The following ARHGEF17 variants were observed in gnomAD, a reference collection of about 807,000 sequenced individuals.
ARHGEF17 encodes 164 kDa Rho-specific guanine-nucleotide exchange factor.
ARHGEF17 carries 80 observed loss-of-function variants against 174.0 expected under a neutral mutation model. That is an observed-to-expected ratio of 0.46 (90% CI 0.38 to 0.55). The LOEUF (loss-of-function observed/expected upper bound fraction) is 0.55. Ranked by LOEUF, ARHGEF17 falls within the 20% of genes least tolerant of loss-of-function variation. The pLI is 0.00. For synonymous variants in ARHGEF17, 1,311 were observed against 1,189.1 expected (o/e 1.10, Z -2.11); for missense variants, 2,886 against 2,839.7 (o/e 1.02, Z -0.37).
In ARHGEF17 at chr11:73,309,520, G is replaced by C. The variant is rs112713208; in HGVS notation, c.882G>C (p.Gly294=). The C allele has an allele frequency of 6.4e-7, 1 of 1,568,238 alleles. No homozygotes were observed. Among genetic ancestry groups the C allele is most frequent in the Non-Finnish European group, 8.7e-7 (1 of 1,153,250 alleles). The part of the protein sequence containing the change: ...EGGHRWGGRP[G]LRPGSSLLDQ... ...GCCACCGCTGGGGAGGGAGGCCCGG[G>C]CTCAGGCCTGGAAGCTCCCTATTGG... The change falls in exon 1 of 21, where the codon GGG becomes GGC. Residue 294 remains glycine, a synonymous_variant. Transcript: ENST00000263674.
Position 73,359,895 on chromosome 11 carries a change from C to G in ARHGEF17, c.4149C>G (p.Asp1383Glu). Reference sequence around the variant, plus strand: ...AGGCCATCAGCCGCCTTGATGAGGACCTCACCACCCTGGGCCAAATGAGCA... The same window carrying G: ...AGGCCATCAGCCGCCTTGATGAGGAGCTCACCACCCTGGGCCAAATGAGCA... The part of the protein sequence containing the change: ...IQKAISRLDE[D>E]LTTLGQMSKL... The change falls in exon 10 of 21, where the codon GAC becomes GAG. Residue 1383 changes from aspartate to glutamate, a missense_variant. Transcript: ENST00000263674. 6.2e-7 allele frequency: 1 copy of G among 1,613,628 alleles called. No homozygotes were observed. Among genetic ancestry groups the G allele is most frequent in the Non-Finnish European group, 8.5e-7 (1 of 1,179,784 alleles).
chr11:73,366,091 G>A (rs748771749), intron 20 of ARHGEF17, 144 bp downstream of exon 20: 142 of 1,111,014 alleles, frequency 1.3e-4, no homozygotes, highest in Middle Eastern at 3.1e-4. Flanking sequence ...AATACACCAC[G>A]GAAGTGTCCA....
In ARHGEF17 at chr11:73,360,505, G is replaced by A. The variant is rs1865720143; in HGVS notation, c.4392G>A (p.Gln1464=). ...CTGACGCCCGCCTTGGTTTTGAACA[G>A]GCCTTCGATGAGGCCAAGAGGAAGC... ...PHPDARLGFE[Q]AFDEAKRKLA... Residue 1464 remains glutamine, a synonymous_variant, in exon 11 of 21, where the codon CAG becomes CAA. Coordinates refer to ENST00000263674, the MANE Select transcript of ARHGEF17 (RefSeq NM_014786.4). 1 of 1,613,820 alleles carries A rather than the reference G, an allele frequency of 6.2e-7. No homozygotes were observed. Among genetic ancestry groups the A allele is most frequent in the Admixed American group, 1.7e-5 (1 of 60,012 alleles).
At chr11:73,360,904 CA>C in intron 11 of ARHGEF17, among the ~76,000 whole-genome samples, 183 bp from the exon 12 acceptor site, 1 of 152,134 alleles carries the variant, frequency 6.6e-6, no homozygotes, top group Non-Finnish European at 1.5e-5. Context: ...AACCCCAAGA[CA>C]ATACACATGG....
At position 73,308,928 on chromosome 11, in the gene ARHGEF17, G is replaced by A. The variant is rs1363483645; in HGVS notation, c.290G>A (p.Gly97Asp). The change falls in exon 1 of 21, where the codon GGC becomes GAC. Residue 97 changes from glycine (G) to aspartate (D), a missense_variant. Gly to Asp is a moderately conservative substitution (Grantham distance 94). Around this residue, in one of 4 missense-constraint regions of ARHGEF17, gnomAD observed 1,728 missense variants for 1,461.2 expected, o/e 1.18. Coordinates refer to ENST00000263674, the MANE Select transcript of ARHGEF17 (RefSeq NM_014786.4). ...TTCGACGCGCCGCGTCTGGACGACG[G>A]CTCCGCTGGGACCCGAGACGGAGGC... The part of the protein sequence containing the change: ...RRFDAPRLDD[G>D]SAGTRDGGVL... 4 of 1,364,206 alleles carry A rather than the reference G, an allele frequency of 2.9e-6. No homozygotes were observed. The South Asian group carries it at 5.2e-5, about 18-fold the overall frequency. The allele number at this position is 1,364,206 out of a possible 1,614,324, so 84.5% of individuals were successfully genotyped here.
chr11:73,355,672 G>T lies in ARHGEF17; in HGVS notation c.3570+23G>T, dbSNP rs756658419. The T allele has an allele frequency of 5.6e-6, 9 of 1,605,502 alleles. No homozygotes were observed. In the South Asian group the frequency reaches 6.6e-5, roughly 12 times the overall value. ...GAGGTACTGTGGGCTAGGGCAGGGG[G>T]ATGGAGGTGACCCTCACCTTGGGCC... On this transcript the variant is annotated intron_variant, in intron 4 of 20. Coordinates refer to ENST00000263674, the MANE Select transcript of ARHGEF17 (RefSeq NM_014786.4).
At chr11:73,362,386 C>G (rs768100316) in intron 13 of ARHGEF17, 47 bp from the exon 14 acceptor site, 5 of 1,480,948 alleles carry the variant, frequency 3.4e-6, no homozygotes, top group South Asian at 1.4e-5. Context: ...CCACCGGGGC[C>G]CCGTCTGGCT....
At chr11:73,361,933 C>T (rs920468685) in intron 12 of ARHGEF17, 107 bp from the exon 13 acceptor site, 2 of 1,297,126 alleles carry the variant, frequency 1.5e-6, no homozygotes, top group South Asian at 1.4e-5. Context: ...CACACACACA[C>T]CCATGCAGGC....
chr11:73,354,559 C>T (rs1228911699), intron 3 of ARHGEF17, among the ~76,000 whole-genome samples: 1 of 152,092 alleles, frequency 6.6e-6, no homozygotes, highest in Admixed American at 6.5e-5. Context: ...ACTAAAAATA[C>T]AAAAATTAGG....
Position 73,363,270 on chromosome 11 carries a change from G to A in ARHGEF17, c.5061G>A (p.Glu1687=). The change falls in exon 15 of 21, where the codon GAG becomes GAA. Residue 1687 remains glutamate, a synonymous_variant. Coordinates refer to ENST00000263674, the MANE Select transcript of ARHGEF17 (RefSeq NM_014786.4). ...AETTSSEEEQ[E]PGFLPLSGSF... ...CCACCAGCTCAGAGGAGGAGCAGGAGCCAGGCTTCCTGCCACTGTCTGGCT... is the reference window on the plus strand; with the variant it reads ...CCACCAGCTCAGAGGAGGAGCAGGAACCAGGCTTCCTGCCACTGTCTGGCT... 1 of 1,610,376 alleles carries A rather than the reference G, an allele frequency of 6.2e-7. No homozygotes were observed. Among genetic ancestry groups the A allele is most frequent in the Non-Finnish European group, 8.5e-7 (1 of 1,178,054 alleles).
At chr11:73,360,067 C>A in intron 10 of ARHGEF17, 115 bp downstream of exon 10, 1 of 1,146,892 alleles carries the variant, frequency 8.7e-7, no homozygotes, top group Non-Finnish European at 1.2e-6. Flanking sequence ...TTTCCCTCAT[C>A]TGAAGGCAAA....
intron 1 of ARHGEF17, among the ~76,000 whole-genome samples, chr11:73,344,379 C>G (rs74631699): frequency 0.011 from 1,617 of 152,318 alleles, 90 homozygotes; most frequent in East Asian, 0.076. Flanking sequence ...TGTGCTCTGC[C>G]GCAGGGAGGA....
Position 73,310,496 on chromosome 11 carries a change from C to T in ARHGEF17, c.1858C>T (p.Pro620Ser), listed in dbSNP as rs775464904. Reference protein sequence around the residue: ...DDGSDAPPGSPDWAGDVTRGQ... With the variant: ...DDGSDAPPGSSDWAGDVTRGQ... ...TGGAAGCGATGCCCCCCCTGGAAGC[C>T]CTGACTGGGCAGGGGATGTGACCCG... Residue 620 changes from proline to serine, a missense_variant, in exon 1 of 21, where the codon CCT (proline) becomes TCT (serine). Pro to Ser is a moderately conservative substitution (Grantham distance 74). Coordinates refer to ENST00000263674, the MANE Select transcript of ARHGEF17 (RefSeq NM_014786.4). The T allele has an allele frequency of 3.7e-6, 6 of 1,614,002 alleles. No individual in the cohort carries two copies. In the Admixed American group the frequency reaches 8.3e-5, roughly 22 times the overall value.
At chr11:73,341,095 T>C (rs1865361214) in intron 1 of ARHGEF17, among the ~76,000 whole-genome samples, 2 of 152,180 alleles carry the variant, frequency 1.3e-5, no homozygotes, top group Non-Finnish European at 2.9e-5. Flanking sequence ...ACAAGGACGC[T>C]GCCCTCAGGA....
At chr11:73,332,103 CTG>C (rs1865214093) in intron 1 of ARHGEF17, among the ~76,000 whole-genome samples, 1 of 152,222 alleles carries the variant, frequency 6.6e-6, no homozygotes, top group Admixed American at 6.5e-5. Flanking sequence ...GACCTGCCCT[CTG>C]AGATTCTGGT....
intron 12 of ARHGEF17, 44 bp from the exon 13 acceptor site, chr11:73,361,996 A>C: frequency 6.3e-7 from 1 of 1,591,386 alleles, no homozygotes; most frequent in Non-Finnish European, 8.6e-7. Context: ...TGCTGGCAGC[A>C]GTTCCTCCAT....
At chr11:73,317,260 G>A (rs975988855) in intron 1 of ARHGEF17, among the ~76,000 whole-genome samples, 2 of 152,186 alleles carry the variant, frequency 1.3e-5, no homozygotes, top group African/African-American at 4.8e-5. Flanking sequence ...TTTAGCTCCA[G>A]CGTGCATGTC....
At chr11:73,366,029 C>A in intron 20 of ARHGEF17, 82 bp downstream of exon 20, 2 of 1,514,326 alleles carry the variant, frequency 1.3e-6, no homozygotes, top group Non-Finnish European at 1.8e-6. Context: ...GAAGAGCTTT[C>A]AAGAGGGAGG....
At chr11:73,366,502 G>A (rs1401188854) in intron 20 of ARHGEF17, among the ~76,000 whole-genome samples, 4 of 152,210 alleles carry the variant, frequency 2.6e-5, no homozygotes, top group Admixed American at 2.6e-4. Context: ...GATGAGGTGG[G>A]AGGATCGCTT....
Sources: allele counts gnomAD v4.1 joint callset (sites outside exome capture counted in the v4.1 genomes callset), GRCh38; gene constraint gnomAD v4.1.1; regional missense constraint gnomAD v4.1.1; transcripts MANE v1.5; gene names NCBI Gene and HGNC (gene_info 2026-07-23, HGNC 2026-07-21).